Variants in ZNF385D observed in about 807,000 individuals in gnomAD.
ZNF385D encodes the protein zinc finger protein 385D, also known as zinc finger protein 659.
ZNF385D carries 15 observed loss-of-function variants against 35.8 expected under a neutral mutation model. The ratio of observed to expected loss-of-function variants is 0.42; its 90% confidence interval spans 0.28 to 0.64. The LOEUF is 0.64. Among genes scored for constraint, ZNF385D ranks in the 30% least tolerant of loss-of-function variants. The pLI, the probability that ZNF385D is intolerant of heterozygous loss-of-function variation, is 0.23. For missense variants in ZNF385D, 474 were observed against 494.6 expected, an observed-to-expected ratio of 0.96 and a Z score of 0.39; for synonymous variants, 212 against 186.8, an observed-to-expected ratio of 1.13 and a Z score of -1.10.
intron 2 of ZNF385D, among the ~76,000 whole-genome samples, chr3:22,351,845 G>T (rs987467394): frequency 6.6e-6 from 1 of 152,128 alleles, no homozygotes; most frequent in African/African-American, 2.4e-5. Context: ...CAAAAATCAG[G>T]TTGAGTGAGA....
chr3:21,607,361 A>G (rs1489283260), intron 2 of ZNF385D, among the ~76,000 whole-genome samples: 19 of 152,206 alleles, frequency 1.2e-4, no homozygotes, highest in Admixed American at 1.2e-3. Flanking sequence ...ACTGAATCAT[A>G]TTGAAATTAA....
chr3:21,751,548 C>G, upstream of ZNF385D: 2 of 665,094 alleles, frequency 3.0e-6, no homozygotes, highest in Non-Finnish European at 3.7e-6. Flanking sequence ...ACCTCCTCTA[C>G]CAAGTTAAAA....
At chr3:21,970,899 A>T (rs1703211321) in intron 3 of ZNF385D, among the ~76,000 whole-genome samples, 4 of 152,052 alleles carry the variant, frequency 2.6e-5, no homozygotes, top group Admixed American at 2.0e-4. Flanking sequence ...AGGCCAGGAG[A>T]GAGTGGCAGG....
chr3:21,946,651 G>A (rs2125287708), intron 3 of ZNF385D, among the ~76,000 whole-genome samples: 1 of 152,118 alleles, frequency 6.6e-6, no homozygotes, highest in East Asian at 1.9e-4. Flanking sequence ...GGCTAACAAG[G>A]TGAAACTCCG....
At chr3:21,733,466 A>G (rs990932017) in intron 1 of ZNF385D, among the ~76,000 whole-genome samples, 3 of 152,090 alleles carry the variant, frequency 2.0e-5, no homozygotes, top group Non-Finnish European at 4.4e-5. Flanking sequence ...ATTGATTCTT[A>G]TAAGCTCTTT....
chr3:21,956,455 A>C (rs1702294247), intron 3 of ZNF385D, among the ~76,000 whole-genome samples: 1 of 152,014 alleles, frequency 6.6e-6, no homozygotes, highest in African/African-American at 2.4e-5. Flanking sequence ...AAAAGGATTG[A>C]CACTCTACAG....
At chr3:21,600,050 C>G (rs975683755) in intron 2 of ZNF385D, among the ~76,000 whole-genome samples, 1 of 152,208 alleles carries the variant, frequency 6.6e-6, no homozygotes, top group Non-Finnish European at 1.5e-5. Context: ...GTTGTCCTCA[C>G]TGCTACACTC....
rs9310676 is a variant in ZNF385D at position 21,990,818 on chromosome 3, T to C, written c.325+177999A>G. Among the ~76,000 whole-genome samples the C allele has an allele frequency of 7.6e-3, 1,153 of 152,312 alleles. 13 individuals carry two copies. The highest frequency in any genetic ancestry group is 0.026 in the African/African-American group (1,086 of 41,568). ...GGAAAATTCTGAACTTCTTTAACTA[T>C]TGAAAACTGTATAGCTTGGATTTCC... On this transcript the variant is annotated intron_variant, in intron 3 of 5. Coordinates refer to the ZNF385D transcript ENST00000494108.
At chr3:22,061,106 A>G (rs1275890328) in intron 3 of ZNF385D, among the ~76,000 whole-genome samples, 2 of 152,104 alleles carry the variant, frequency 1.3e-5, no homozygotes, top group African/African-American at 4.8e-5. Flanking sequence ...TGTTAATTTA[A>G]TCACCTGATT....
chr3:22,064,720 C>T (rs1349876478), intron 3 of ZNF385D, among the ~76,000 whole-genome samples: 1 of 152,090 alleles, frequency 6.6e-6, no homozygotes, highest in Non-Finnish European at 1.5e-5. Flanking sequence ...CTCACGTATA[C>T]ATGGAACCTG....
intron 1 of ZNF385D, among the ~76,000 whole-genome samples, chr3:21,749,223 C>G (rs546171433): frequency 3.9e-5 from 6 of 152,250 alleles, no homozygotes; most frequent in Non-Finnish European, 7.4e-5. Flanking sequence ...CTATGAATCA[C>G]TCTGCTTTAC....
At chr3:21,536,413 T>C (rs1428316170) in intron 3 of ZNF385D, among the ~76,000 whole-genome samples, 4 of 152,086 alleles carry the variant, frequency 2.6e-5, no homozygotes, top group Admixed American at 2.6e-4. Flanking sequence ...TAATGTTGTC[T>C]CCATTTATTG....
At chr3:21,616,348 G>A (rs980845289) in intron 2 of ZNF385D, among the ~76,000 whole-genome samples, 1 of 152,140 alleles carries the variant, frequency 6.6e-6, no homozygotes, top group Non-Finnish European at 1.5e-5. Flanking sequence ...TTTGTTTACT[G>A]CTGGGAATAT....
intron 2 of ZNF385D, among the ~76,000 whole-genome samples, chr3:21,580,799 ATG>A (rs951290702): frequency 3.1e-5 from 3 of 95,692 alleles, no homozygotes; most frequent in Admixed American, 9.9e-5. Context: ...GTTTGTGTCT[ATG>A]TGTGTGTATA....
intron 2 of ZNF385D, among the ~76,000 whole-genome samples, chr3:21,640,385 G>A (rs878886042): frequency 6.6e-6 from 1 of 152,018 alleles, no homozygotes; most frequent in Non-Finnish European, 1.5e-5. Flanking sequence ...GAGTCACCAC[G>A]CTAGAAACTC....
chr3:22,019,569 AT>A lies in ZNF385D; in HGVS notation c.325+149247del, dbSNP rs141158766. ...ATATACACAAATGATGATCAGACTA[AT>A]TTAAAAAATCCTTTTATTTGTGTCT... On this transcript the variant is annotated intron_variant, in intron 3 of 5. Transcript: ENST00000494108. 3.9e-3 allele frequency among the ~76,000 whole-genome samples: 593 copies of A among 152,066 alleles called. 2 individuals are homozygous for A. Among genetic ancestry groups the A allele is most frequent in the African/African-American group, 0.014 (563 of 41,542 alleles).
chr3:22,007,391 T>C (rs1320187095), intron 3 of ZNF385D, among the ~76,000 whole-genome samples: 3 of 152,252 alleles, frequency 2.0e-5, no homozygotes, highest in African/African-American at 2.4e-5. Flanking sequence ...CAGACTTTTA[T>C]GGATATTTAT....
At chr3:21,641,632 CTT>C (rs144071100) in intron 2 of ZNF385D, among the ~76,000 whole-genome samples, 74 of 104,718 alleles carry the variant, frequency 7.1e-4, no homozygotes, top group Middle Eastern at 6.2e-3. Context: ...AACAAGTCAG[CTT>C]TTTTTTTTTT....
At chr3:22,115,862 A>T (rs1195597432) in intron 3 of ZNF385D, among the ~76,000 whole-genome samples, 2 of 152,202 alleles carry the variant, frequency 1.3e-5, no homozygotes, top group East Asian at 3.9e-4. Flanking sequence ...TGTTTCCTTA[A>T]AATAAAACTA....
Sources: gnomAD v4.1 joint callset for allele counts (sites outside exome capture counted in the v4.1 genomes callset) on GRCh38, gnomAD v4.1.1 for gene constraint, MANE v1.5 for transcripts, NCBI Gene and HGNC (gene_info 2026-07-23, HGNC 2026-07-21) for gene names.